The following DONSON variants were observed in gnomAD, a reference collection of about 807,000 sequenced individuals.
DONSON encodes protein downstream neighbor of Son.
In DONSON, 43 loss-of-function variants were observed where a neutral mutation model predicts 62.1. The ratio of observed to expected loss-of-function variants is 0.69; its 90% CI spans 0.54 to 0.89. The LOEUF is 0.89. DONSON is among the 40% of genes least tolerant of loss of function. The probability of loss-of-function intolerance (pLI) is 0.00; values close to 1 mark genes in which losing one functional copy is unlikely to be tolerated. For synonymous variants in DONSON, 266 were observed against 264.6 expected (o/e 1.01, Z -0.05); for missense variants, 696 against 697.5 (o/e 1.00, Z 0.03).
At chr21:33,581,068 G>C (rs967040931) in intron 8 of DONSON, 4 of 391,932 alleles carry the variant, frequency 1.0e-5, no homozygotes, top group Non-Finnish European at 1.9e-5. Context: ...GGATAGCAGC[G>C]CAAGACTCCA....
intron 2 of DONSON, among the ~76,000 whole-genome samples, chr21:33,586,789 C>T (rs1182497083): frequency 6.6e-6 from 1 of 152,018 alleles, no homozygotes; most frequent in Admixed American, 6.5e-5. Flanking sequence ...CGTGCCCCAC[C>T]ACGCCTGGCT....
At chr21:33,579,957 G>A (rs556322234) in intron 8 of DONSON, among the ~76,000 whole-genome samples, 15 of 152,216 alleles carry the variant, frequency 9.9e-5, no homozygotes, top group African/African-American at 3.6e-4. Flanking sequence ...CACTTTGGGA[G>A]GCCAAGGTGG....
At chr21:33,579,646 T>C in intron 8 of DONSON, 84 bp from the exon 9 acceptor site, 1 of 1,121,092 alleles carries the variant, frequency 8.9e-7, no homozygotes, top group South Asian at 1.5e-5. Context: ...TATATTTCCA[T>C]TTGGGGTTTC....
chr21:33,585,777 C>A (rs1281449621), intron 3 of DONSON, among the ~76,000 whole-genome samples: 1 of 151,348 alleles, frequency 6.6e-6, no homozygotes, highest in African/African-American at 2.4e-5. Flanking sequence ...AATGTATGAG[C>A]AGTTACTCAA....
intron 4 of DONSON, among the ~76,000 whole-genome samples, chr21:33,584,041 T>C (rs1208454503): frequency 1.6e-5 from 2 of 124,232 alleles, no homozygotes; most frequent in African/African-American, 3.0e-5. Flanking sequence ...TATATATATA[T>C]ATATACTTTT....
At chr21:33,584,495 T>C in intron 4 of DONSON, 95 bp downstream of exon 4, 1 of 1,199,564 alleles carries the variant, frequency 8.3e-7, no homozygotes, top group Non-Finnish European at 1.1e-6. Context: ...TAGATACCCT[T>C]CTGCCATTAA....
chr21:33,580,365 C>T (rs1054364014), intron 8 of DONSON, among the ~76,000 whole-genome samples: 1 of 147,558 alleles, frequency 6.8e-6, no homozygotes, highest in African/African-American at 2.5e-5. Flanking sequence ...ACCACCCTGA[C>T]CAACATGGTG....
intron 2 of DONSON, among the ~76,000 whole-genome samples, chr21:33,587,039 A>G (rs563704149): frequency 2.0e-5 from 3 of 152,356 alleles, no homozygotes; most frequent in Middle Eastern, 3.4e-3. Flanking sequence ...TGGGTCTTGG[A>G]GAACTCTTCT....
rs181879927 is a variant in DONSON, at chr21:33,581,587, C to T, written c.1152-87G>A. ...CTTGATTCTGAATCACCTGAGACTC[C>T]TTTTCTCCATAATGAAATGGAAATC... is the stretch of plus-strand genomic sequence containing the variant. On this transcript the variant is annotated intron_variant, in intron 7 of 9. Coordinates refer to ENST00000303071, the MANE Select transcript of DONSON (RefSeq NM_017613.4). The T allele has an allele frequency of 5.3e-4, 571 of 1,069,472 alleles. 4 individuals are homozygous for T. The highest frequency in any genetic ancestry group is 4.7e-3 in the African/African-American group (298 of 63,180). 66.2% of individuals were successfully genotyped at this position (1,069,472 alleles called of 1,614,324 possible).
Position 33,588,484 on chromosome 21 carries a change from A to T in DONSON, c.158T>A (p.Leu53Gln). The T allele has an allele frequency of 7.9e-7, 1 of 1,266,020 alleles. No homozygotes were observed. Among genetic ancestry groups the T allele is most frequent in the Non-Finnish European group, 9.9e-7 (1 of 1,006,880 alleles). The allele number at this position is 1,266,020 out of a possible 1,614,324, so 78.4% of individuals were successfully genotyped here. The change falls in exon 1 of 10, where the codon CTG becomes CAG. Residue 53 changes from leucine (L) to glutamine (Q), a missense_variant. Coordinates refer to ENST00000303071, the MANE Select transcript of DONSON (RefSeq NM_017613.4). ...AARRAALVAG[L>Q]PLRPFPAAGG... is the part of the protein sequence containing the mutation. ...CGCAGCAGGGAAAGGGCGAAGAGGC[A>T]GCCCCGCCACCAGGGCGGCTCGGCG... is the stretch of plus-strand genomic sequence containing the variant.
intron 2 of DONSON, among the ~76,000 whole-genome samples, chr21:33,586,600 T>C (rs2086579943): frequency 6.6e-6 from 1 of 152,210 alleles, no homozygotes. Context: ...CCTCAACCTG[T>C]CTGCTTCAGG....
chr21:33,587,535 G>GT lies in DONSON; in HGVS notation c.388dup (p.Thr130AsnfsTer2), dbSNP rs767171916. On this transcript the variant is annotated frameshift_variant, in exon 2 of 10. Coordinates refer to ENST00000303071, the MANE Select transcript of DONSON (RefSeq NM_017613.4). LOFTEE classifies it high-confidence loss of function. ...AAAAAGTATTACCTGAGGTAATTCA[G>GT]TAACAGTTGTTCTTTCAGGAAACTT... 1 of 1,593,416 alleles carries GT rather than the reference G, an allele frequency of 6.3e-7. No individual in the cohort carries two copies. The highest frequency in any genetic ancestry group is 1.4e-5 in the African/African-American group (1 of 73,528).
intron 8 of DONSON, 195 bp from the exon 9 acceptor site, chr21:33,579,757 TAA>T: frequency 1.9e-6 from 1 of 523,686 alleles, no homozygotes; most frequent in East Asian, 2.8e-5. Context: ...CTTTCCATAT[TAA>T]GAGATTTTCA....
Position 33,578,148 on chromosome 21 carries a change from A to G in DONSON, c.*159T>C, listed in dbSNP as rs1279629608. On this transcript the variant is annotated 3_prime_UTR_variant, in exon 10 of 10. Coordinates refer to ENST00000303071, the MANE Select transcript of DONSON (RefSeq NM_017613.4). Reference sequence around the variant, plus strand: ...TTTTCATCTTTATATCTAAAAATCTAATCTGAAAATAGTAAAACACATTTA... The same window carrying G: ...TTTTCATCTTTATATCTAAAAATCTGATCTGAAAATAGTAAAACACATTTA... The G allele has an allele frequency of 1.4e-6, 1 of 720,470 alleles. No homozygotes were observed. Among genetic ancestry groups the G allele is most frequent in the Non-Finnish European group, 2.1e-6 (1 of 470,878 alleles). 44.6% of individuals were successfully genotyped at this position (720,470 alleles called of 1,614,324 possible).
At chr21:33,583,224 A>AAAAAAAAAAAAAAAAAAAAAAT (rs1601315256) in intron 5 of DONSON, among the ~76,000 whole-genome samples, 1 of 136,410 alleles carries the variant, frequency 7.3e-6, no homozygotes, top group Non-Finnish European at 1.6e-5. Context: ...AAAAAAAAAA[A>AAAAAAAAAAAAAAAAAAAAAAT]AGAATGATCA....
intron 3 of DONSON, 59 bp downstream of exon 3, chr21:33,585,919 G>C (rs1338160298): frequency 6.6e-7 from 1 of 1,522,958 alleles, no homozygotes; most frequent in Non-Finnish European, 9.1e-7. Context: ...TTTTGCAAAG[G>C]AGAGCATTTC....
intron 2 of DONSON, 107 bp downstream of exon 2, chr21:33,587,415 G>A: frequency 1.4e-6 from 2 of 1,409,288 alleles, no homozygotes; most frequent in South Asian, 1.7e-5. Context: ...TACTTTCCAA[G>A]CAAAATGCTT....
At chr21:33,587,327 G>A in intron 2 of DONSON, 195 bp downstream of exon 2, 1 of 981,972 alleles carries the variant, frequency 1.0e-6, no homozygotes, top group Non-Finnish European at 1.2e-6. Flanking sequence ...CATCATTACT[G>A]TATCAAACCA....
chr21:33,587,239 A>C, intron 2 of DONSON: 1 of 481,340 alleles, frequency 2.1e-6, no homozygotes. Flanking sequence ...CCCAAAGAAG[A>C]GTGGTAAAAA....
Sources: gnomAD v4.1 joint callset for allele counts (sites outside exome capture counted in the v4.1 genomes callset) on GRCh38, gnomAD v4.1.1 for gene constraint, MANE v1.5 for transcripts, NCBI Gene and HGNC (gene_info 2026-07-23, HGNC 2026-07-21) for gene names.